Variants in MAP3K20 observed in about 807,000 individuals in gnomAD.
The protein encoded by MAP3K20 is HCCS-4.
In MAP3K20, 40 loss-of-function variants were observed where a neutral mutation model predicts 85.7. The observed-to-expected ratio is 0.47, with a 90% confidence interval of 0.36 to 0.61. MAP3K20 has a LOEUF of 0.61. MAP3K20 is among the 20% of genes least tolerant of loss of function. The pLI is 0.00. For synonymous variants in MAP3K20, 325 were observed against 327.7 expected (o/e 0.99, Z 0.09); for missense variants, 817 against 961.7 (o/e 0.85, Z 1.99).
At chr2:173,146,802 T>TA (rs1465574413) in intron 2 of MAP3K20, among the ~76,000 whole-genome samples, 1 of 152,154 alleles carries the variant, frequency 6.6e-6, no homozygotes, top group Non-Finnish European at 1.5e-5. Flanking sequence ...CAGCAGCTGT[T>TA]ACATTTTACA....
rs1689389846 is a variant in MAP3K20, at chr2:173,154,217, T to C, written c.160-15588T>C. Among the ~76,000 whole-genome samples the C allele has an allele frequency of 2.0e-5, 3 of 152,212 alleles. No homozygotes were observed. The South Asian group carries it at 6.2e-4, about 32-fold the overall frequency. Reference sequence around the variant, plus strand: ...TCTTTTTTTTGAGATGGGATCTTTTTCTGTTGCCCAGGCTGAAGTGCAGTG... The same window carrying C: ...TCTTTTTTTTGAGATGGGATCTTTTCCTGTTGCCCAGGCTGAAGTGCAGTG... On this transcript the variant is annotated intron_variant, in intron 2 of 19. Transcript: ENST00000375213.
At chr2:173,183,548 T>G (rs1008507590) in intron 4 of MAP3K20, among the ~76,000 whole-genome samples, 1 of 152,202 alleles carries the variant, frequency 6.6e-6, no homozygotes, top group African/African-American at 2.4e-5. Context: ...CATACATTCT[T>G]GCATAGATGA....
At chr2:173,240,013 A>G (rs1309956055) in intron 16 of MAP3K20, among the ~76,000 whole-genome samples, 1 of 152,204 alleles carries the variant, frequency 6.6e-6, no homozygotes. Flanking sequence ...GTGAATTAGA[A>G]TTATAGTAGG....
chr2:173,168,797 TATTG>T (rs1215742114), intron 2 of MAP3K20, among the ~76,000 whole-genome samples: 3 of 152,228 alleles, frequency 2.0e-5, no homozygotes, highest in African/African-American at 7.2e-5. Context: ...AGTCATAAAA[TATTG>T]ATGAATATAA....
intron 16 of MAP3K20, among the ~76,000 whole-genome samples, chr2:173,252,599 A>C (rs1405495099): frequency 6.6e-6 from 1 of 152,200 alleles, no homozygotes; most frequent in Non-Finnish European, 1.5e-5. Flanking sequence ...TAGCTAGTGG[A>C]AAGTTCCGGG....
At chr2:173,150,799 T>C (rs1191665520) in intron 2 of MAP3K20, among the ~76,000 whole-genome samples, 1 of 152,160 alleles carries the variant, frequency 6.6e-6, no homozygotes, top group Non-Finnish European at 1.5e-5. Flanking sequence ...CTCGACCTTG[T>C]GATCCGCCCG....
At chr2:173,156,886 G>C (rs2106234435) in intron 2 of MAP3K20, among the ~76,000 whole-genome samples, 1 of 152,348 alleles carries the variant, frequency 6.6e-6, no homozygotes, top group Admixed American at 6.5e-5. Flanking sequence ...GATTAGGCCA[G>C]TGTTTCTTTG....
rs146804837 is a variant in MAP3K20 at position 173,192,153 on chromosome 2, A to C, written c.582+976A>C. On this transcript the variant is annotated intron_variant, in intron 7 of 19. Coordinates refer to ENST00000375213, the MANE Select transcript of MAP3K20 (RefSeq NM_016653.3). The stretch of plus-strand genomic sequence containing the variant: ...GGCATTTTCATAGTAATGGGTAAAG[A>C]AGCAGCCTGTTTTAGGTCCAAATCA... 4.4e-3 allele frequency among the ~76,000 whole-genome samples: 664 copies of C among 152,334 alleles called. 4 individuals are homozygous for C. The highest frequency in any genetic ancestry group is 0.015 in the African/African-American group (610 of 41,572).
At chr2:173,256,530 T>TAGAC (rs1283624689) in intron 16 of MAP3K20, among the ~76,000 whole-genome samples, 15 of 148,328 alleles carry the variant, frequency 1.0e-4, no homozygotes, top group African/African-American at 3.0e-4. Context: ...GATAGATAGA[T>TAGAC]AGACAGACAG....
intron 16 of MAP3K20, among the ~76,000 whole-genome samples, chr2:173,249,157 A>T (rs551702710): frequency 6.6e-6 from 1 of 152,236 alleles, no homozygotes; most frequent in Non-Finnish European, 1.5e-5. Flanking sequence ...AAAAACGTGG[A>T]AACAGTCATA....
rs142271532 is a variant in MAP3K20 at position 173,240,702 on chromosome 2, G to T, written c.1359+1206G>T. ...AATAATGAATGCTGGTGAGGATGTG[G>T]AGAAAGGAGAACCTTCGTACACTGT... On this transcript the variant is annotated intron_variant, in intron 16 of 19. Coordinates refer to ENST00000375213, the MANE Select transcript of MAP3K20 (RefSeq NM_016653.3). 3.9e-5 allele frequency among the ~76,000 whole-genome samples: 6 copies of T among 152,320 alleles called. No individual in the cohort carries two copies. The East Asian group carries it at 1.2e-3, about 29-fold the overall frequency.
intron 3 of MAP3K20, among the ~76,000 whole-genome samples, chr2:173,171,520 G>A (rs1690000575): frequency 6.6e-6 from 1 of 152,174 alleles, no homozygotes; most frequent in Admixed American, 6.5e-5. Context: ...GTGGTGATAT[G>A]AAATTCTTTC....
intron 10 of MAP3K20, chr2:173,212,129 A>G (rs1001191936): frequency 6.6e-6 from 1 of 152,180 alleles, no homozygotes; most frequent in African/African-American, 2.4e-5. Flanking sequence ...AAGAGAATAT[A>G]AATATGTATG....
rs201878134 is a variant in MAP3K20 at position 173,091,026 on chromosome 2, T to C, written c.-6T>C. On this transcript the variant is annotated 5_prime_UTR_variant, in exon 2 of 20. Transcript: ENST00000375213. The stretch of plus-strand genomic sequence containing the variant: ...TTGTGGAAGTATAATACTTTGTCAT[T>C]ATGAGATGTCGTCTCTCGGTGCCTC... 101 of 1,606,992 alleles carry C rather than the reference T, an allele frequency of 6.3e-5. No homozygotes were observed. The highest frequency in any genetic ancestry group is 7.9e-5 in the Non-Finnish European group (93 of 1,177,732).
intron 16 of MAP3K20, among the ~76,000 whole-genome samples, chr2:173,241,843 T>C (rs969863209): frequency 2.6e-5 from 4 of 152,172 alleles, no homozygotes; most frequent in African/African-American, 4.8e-5. Flanking sequence ...GTTTCTTACA[T>C]AAGAATAGTT....
intron 11 of MAP3K20, chr2:173,222,145 G>T: frequency 2.2e-6 from 2 of 926,308 alleles, no homozygotes; most frequent in Non-Finnish European, 2.6e-6. Context: ...AGTCAGGGCT[G>T]CAGTGAGCCA....
chr2:173,084,424 C>A (rs75183680), intron 1 of MAP3K20, among the ~76,000 whole-genome samples: 541 of 135,978 alleles, frequency 4.0e-3, no homozygotes, highest in Non-Finnish European at 5.1e-3. Flanking sequence ...CCAAAAAGTG[C>A]AAAAAAAAAA....
At chr2:173,081,633 G>A (rs1460618420) in intron 1 of MAP3K20, among the ~76,000 whole-genome samples, 1 of 152,116 alleles carries the variant, frequency 6.6e-6, no homozygotes, top group Non-Finnish European at 1.5e-5. Flanking sequence ...GGAAGGAAGA[G>A]GAAAGTTTTA....
chr2:173,229,404 T>C (rs1005637738), intron 11 of MAP3K20, among the ~76,000 whole-genome samples: 2 of 152,184 alleles, frequency 1.3e-5, no homozygotes, highest in Non-Finnish European at 2.9e-5. Context: ...AGAAATTGCT[T>C]GACTGCTGAG....
Sources: allele counts gnomAD v4.1 joint callset (sites outside exome capture counted in the v4.1 genomes callset), GRCh38; gene constraint gnomAD v4.1.1; transcripts MANE v1.5; gene names NCBI Gene and HGNC (gene_info 2026-07-23, HGNC 2026-07-21).